GRK7: variants seen among roughly 807,000 people sequenced by gnomAD.
GRK7 encodes the protein G protein-coupled receptor kinase 7, also known as rhodopsin kinase GRK7.
GRK7 carries 24 observed loss-of-function variants against 34.1 expected under a neutral mutation model. That is an observed-to-expected ratio of 0.70 (90% confidence interval 0.51 to 0.99). GRK7 has a LOEUF of 0.99. GRK7 is among the 50% of genes least tolerant of loss of function. The pLI is 0.00. For synonymous variants in GRK7, 256 were observed against 279.4 expected, an observed-to-expected ratio of 0.92 and a Z score of 0.84; for missense variants, 644 against 707.3, an observed-to-expected ratio of 0.91 and a Z score of 1.02.
In GRK7 at chr3:141,780,256, C is replaced by T. The variant is rs907661606; in HGVS notation, c.613-118C>T. ...TTTTCTTGAGAACACTTCTTATTTA[C>T]AGCTACTCCTTTCTCCAATGCCTAA... On this transcript the variant is annotated intron_variant, in intron 3 of 5. Coordinates refer to ENST00000682958, the MANE Select transcript of GRK7 (RefSeq NM_139209.3). 13 of 817,430 alleles carry T rather than the reference C, an allele frequency of 1.6e-5. No individual in the cohort carries two copies. In the East Asian group the frequency reaches 1.9e-4, roughly 12 times the overall value. 50.6% of individuals were successfully genotyped at this position (817,430 alleles called of 1,614,324 possible).
At position 141,780,496 on chromosome 3, in the gene GRK7, G is replaced by A. The variant is rs2084666554; in HGVS notation, c.735G>A (p.Lys245=). The A allele has an allele frequency of 6.2e-7, 1 of 1,614,120 alleles. No homozygotes were observed. The highest frequency in any genetic ancestry group is 8.5e-7 in the Non-Finnish European group (1 of 1,180,054). ...MALLEKEILE[K]VSSPFIVSLA... is the part of the protein sequence containing the mutation. Reference sequence around the variant, plus strand: ...TCTTGGAAAAGGAAATCTTGGAGAAGGTCAGCAGCCCTTTCATTGTCTCTC... The same window carrying A: ...TCTTGGAAAAGGAAATCTTGGAGAAAGTCAGCAGCCCTTTCATTGTCTCTC... The change falls in exon 4 of 6, where the codon AAG becomes AAA. Residue 245 remains lysine (K), a synonymous_variant. Coordinates refer to ENST00000682958, the MANE Select transcript of GRK7 (RefSeq NM_139209.3).
At chr3:141,784,449 G>A (rs1323954579) in intron 4 of GRK7, among the ~76,000 whole-genome samples, 5 of 152,204 alleles carry the variant, frequency 3.3e-5, no homozygotes, top group African/African-American at 2.4e-5. Context: ...TGAGGGGAGA[G>A]AGATGGAGAG....
At chr3:141,771,261 A>G (rs1196336393) in intron 1 of GRK7, among the ~76,000 whole-genome samples, 1 of 152,194 alleles carries the variant, frequency 6.6e-6, no homozygotes, top group Non-Finnish European at 1.5e-5. Flanking sequence ...AATACTACTC[A>G]GCCATAAAAA....
chr3:141,770,241 A>C (rs557189425), intron 1 of GRK7, among the ~76,000 whole-genome samples: 5 of 152,330 alleles, frequency 3.3e-5, no homozygotes, highest in African/African-American at 1.2e-4. Flanking sequence ...GGAGGGAACA[A>C]TTCATTTTCC....
At chr3:141,751,350 G>A in the GRK7 span, among the ~76,000 whole-genome samples, 1 of 151,680 alleles carries the variant, frequency 6.6e-6, no homozygotes, top group Non-Finnish European at 1.5e-5. Context: ...CTATATATGG[G>A]GCTTCACCAT....
chr3:141,805,078 GCACATACACT>G (rs1396349279), intron 4 of GRK7, among the ~76,000 whole-genome samples: 7 of 131,136 alleles, frequency 5.3e-5, no homozygotes, highest in Non-Finnish European at 1.2e-4. Flanking sequence ...ACACACACAC[GCACATACACT>G]CACATACACA....
chr3:141,796,798 C>A (rs1710885296), intron 4 of GRK7, among the ~76,000 whole-genome samples: 1 of 152,188 alleles, frequency 6.6e-6, no homozygotes, highest in African/African-American at 2.4e-5. Context: ...GATCTCTGAC[C>A]ATGTGCCAGG....
Position 141,803,680 on chromosome 3 carries a change from C to T in GRK7, c.1051-3965C>T, listed in dbSNP as rs189072746. ...TAGCTTCTTCCATTTAGCATGTTTTCAAGGTTCACGAAGCATGTATCAGTA... is the reference window on the plus strand; with the variant it reads ...TAGCTTCTTCCATTTAGCATGTTTTTAAGGTTCACGAAGCATGTATCAGTA... On this transcript the variant is annotated intron_variant, in intron 4 of 5. Transcript: ENST00000682958. Among the ~76,000 whole-genome samples, 655 of 152,266 alleles carry T rather than the reference C, an allele frequency of 4.3e-3. 3 individuals carry two copies. The highest frequency in any genetic ancestry group is 7.3e-3 in the Non-Finnish European group (494 of 68,024).
At chr3:141,795,016 A>T (rs2084742114) in intron 4 of GRK7, among the ~76,000 whole-genome samples, 1 of 152,150 alleles carries the variant, frequency 6.6e-6, no homozygotes, top group South Asian at 2.1e-4. Flanking sequence ...GGCAGTGATA[A>T]TACGGTGTGA....
At chr3:141,780,836 A>G in intron 4 of GRK7, 25 bp downstream of exon 4, 1 of 1,589,468 alleles carries the variant, frequency 6.3e-7, no homozygotes, top group Non-Finnish European at 8.6e-7. Context: ...ACCTGCCCCA[A>G]GTGCGGGGCA....
Position 141,778,521 on chromosome 3 carries a change from G to A in GRK7, c.237G>A (p.Thr79=). ...LFRDFLATVP[T]FRKAATFLED... ...GTGACTTCCTAGCCACAGTGCCCAC[G>A]TTCCGCAAGGCGGCAACCTTCCTAG... Residue 79 remains threonine, a synonymous_variant, in exon 3 of 6, where the codon ACG becomes ACA. Coordinates refer to ENST00000682958, the MANE Select transcript of GRK7 (RefSeq NM_139209.3). This position sits in a 1 kb window ranked among gnomAD's most constrained non-coding sequence, Gnocchi z 4.1. 2 of 1,613,398 alleles carry A rather than the reference G, an allele frequency of 1.2e-6. No homozygotes were observed. The highest frequency in any genetic ancestry group is 1.3e-5 in the African/African-American group (1 of 75,076).
the GRK7 span, among the ~76,000 whole-genome samples, chr3:141,750,133 C>A: frequency 1.3e-5 from 2 of 152,054 alleles, no homozygotes; most frequent in Admixed American, 6.6e-5. Flanking sequence ...AAAGTAATTG[C>A]GGTTTTTTTG....
chr3:141,815,406 C>T (rs1711142191), intron 5 of GRK7, among the ~76,000 whole-genome samples: 2 of 151,958 alleles, frequency 1.3e-5, no homozygotes, highest in African/African-American at 2.4e-5. Flanking sequence ...CTTAATCAGA[C>T]CAGGAAATAT....
At chr3:141,756,046 C>A in the GRK7 span, among the ~76,000 whole-genome samples, 1 of 151,136 alleles carries the variant, frequency 6.6e-6, no homozygotes, top group Admixed American at 6.6e-5. Context: ...CACAGTGGCT[C>A]ACACCTGTAA....
chr3:141,753,710 G>GAT, the GRK7 span, among the ~76,000 whole-genome samples: 1 of 152,266 alleles, frequency 6.6e-6, no homozygotes. Context: ...TTATTATACT[G>GAT]CTGTCATATC....
rs1041355964 is a variant in GRK7 at position 141,763,476 on chromosome 3, C to A, written c.-2477C>A. On this transcript the variant is annotated 5_prime_UTR_variant, in exon 1 of 6. Coordinates refer to ENST00000682958, the MANE Select transcript of GRK7 (RefSeq NM_139209.3). ...TCTGGGGGGCCTCAGATCAGCCCAA[C>A]CCTCTGCCAGCTCCACCTTCACAGA... Among the ~76,000 whole-genome samples, 6 of 152,300 alleles carry A rather than the reference C, an allele frequency of 3.9e-5. No individual in the cohort carries two copies. Among genetic ancestry groups the A allele is most frequent in the African/African-American group, 1.4e-4 (6 of 41,564 alleles).
In GRK7 at chr3:141,819,077, A is replaced by T. The variant is rs542328963; in HGVS notation, c.*2027A>T. Among the ~76,000 whole-genome samples, 26 of 152,274 alleles carry T rather than the reference A, an allele frequency of 1.7e-4. 1 individual carries two copies. Among genetic ancestry groups the T allele is most frequent in the African/African-American group, 6.3e-4 (26 of 41,562 alleles). On this transcript the variant is annotated 3_prime_UTR_variant, in exon 6 of 6. Coordinates refer to ENST00000682958, the MANE Select transcript of GRK7 (RefSeq NM_139209.3). ...TTTCCTGAAGTAAGAAAGTAAATTA[A>T]AGTTTGGTTAAGTTTTGAACAAGTC...
At chr3:141,783,401 G>C (rs2084681010) in intron 4 of GRK7, among the ~76,000 whole-genome samples, 1 of 152,262 alleles carries the variant, frequency 6.6e-6, no homozygotes, top group Non-Finnish European at 1.5e-5. Flanking sequence ...TGGAACTTGA[G>C]GCAGGGGTGA....
intron 1 of GRK7, among the ~76,000 whole-genome samples, chr3:141,769,656 A>T (rs2084607039): frequency 6.6e-6 from 1 of 152,108 alleles, no homozygotes; most frequent in Non-Finnish European, 1.5e-5. Context: ...AAGCTCTGCA[A>T]GTGACATTTC....
Sources: allele counts gnomAD v4.1 joint callset (sites outside exome capture counted in the v4.1 genomes callset), GRCh38; gene constraint gnomAD v4.1.1; non-coding constraint Gnocchi (gnomAD v3.1); transcripts MANE v1.5; gene names NCBI Gene and HGNC (gene_info 2026-07-23, HGNC 2026-07-21).